The following SHISA6 variants were observed in gnomAD, a reference collection of about 807,000 sequenced individuals.
SHISA6 encodes the protein shisa family member 6, also known as protein shisa-6.
Under a neutral mutation model 47.9 loss-of-function variants are expected in SHISA6, and 22 were observed. That is an observed-to-expected ratio of 0.46 (90% confidence interval 0.33 to 0.66). The LOEUF is 0.66. SHISA6 is among the 30% of genes least tolerant of loss of function. The pLI is 0.02. For missense variants in SHISA6, 680 were observed against 764.6 expected, an observed-to-expected ratio of 0.89 and a Z score of 1.30; for synonymous variants, 388 against 337.8, an observed-to-expected ratio of 1.15 and a Z score of -1.63.
intron 2 of SHISA6, among the ~76,000 whole-genome samples, chr17:11,272,907 G>A (rs941053928): frequency 4.6e-5 from 7 of 152,216 alleles, no homozygotes; most frequent in African/African-American, 1.7e-4. Context: ...CCAAGGTGGT[G>A]GCATGCCAGC....
chr17:11,494,756 T>C (rs1432158363), intron 3 of SHISA6, among the ~76,000 whole-genome samples: 1 of 152,202 alleles, frequency 6.6e-6, no homozygotes, highest in Non-Finnish European at 1.5e-5. Flanking sequence ...ACCCAGGTGA[T>C]GGGTTAACCC....
At chr17:11,352,238 G>A (rs1911913566) in intron 2 of SHISA6, among the ~76,000 whole-genome samples, 1 of 152,026 alleles carries the variant, frequency 6.6e-6, no homozygotes, top group Non-Finnish European at 1.5e-5. Context: ...TCCCATGAAG[G>A]AGAGAGATCT....
At chr17:11,253,259 A>G (rs1447129562) in intron 1 of SHISA6, among the ~76,000 whole-genome samples, 2 of 150,904 alleles carry the variant, frequency 1.3e-5, no homozygotes, top group Admixed American at 6.6e-5. Context: ...ATTAAGCCGC[A>G]TCGATTTAGA....
intron 2 of SHISA6, among the ~76,000 whole-genome samples, chr17:11,322,530 T>G (rs1329022741): frequency 6.6e-6 from 1 of 152,240 alleles, no homozygotes; most frequent in East Asian, 1.9e-4. Flanking sequence ...TAATCTTAAC[T>G]TAGAACAGTA....
chr17:11,245,335 C>T (rs1907533496), intron 1 of SHISA6, among the ~76,000 whole-genome samples: 2 of 152,208 alleles, frequency 1.3e-5, no homozygotes, highest in African/African-American at 4.8e-5. Flanking sequence ...CTTTTCCCTT[C>T]TTCCAAACTG....
At chr17:11,533,445 C>G (rs1477598906) in intron 3 of SHISA6, among the ~76,000 whole-genome samples, 1 of 152,020 alleles carries the variant, frequency 6.6e-6, no homozygotes, top group Admixed American at 6.6e-5. Context: ...TGACTCAGGC[C>G]CCATTCTCTC....
chr17:11,448,989 G>A (rs969325904), intron 3 of SHISA6, among the ~76,000 whole-genome samples: 7 of 152,120 alleles, frequency 4.6e-5, no homozygotes, highest in Non-Finnish European at 8.8e-5. Flanking sequence ...TTTTATGCTT[G>A]TCACTTCCCC....
Position 11,423,239 on chromosome 17 carries a change from G to GTATA in SHISA6, c.895+43743_895+43746dup, listed in dbSNP as rs71142209. On this transcript the variant is annotated intron_variant, in intron 3 of 5. Coordinates refer to ENST00000441885, the MANE Select transcript of SHISA6 (RefSeq NM_207386.4). ...TATGTGTGTGTGTGTGTGTGTGTGT[G>GTATA]TATATATATATATATAATATATATA... Among the ~76,000 whole-genome samples the GTATA allele has an allele frequency of 8.3e-3, 1,123 of 134,594 alleles. 18 individuals carry two copies. Among genetic ancestry groups the GTATA allele is most frequent in the Admixed American group, 0.037 (492 of 13,194 alleles). The allele number at this position is 134,594 out of a possible 152,430, so 88.3% of individuals were successfully genotyped here. A position where few individuals can be genotyped will look rare whatever the true frequency, so the allele number is the denominator to read the frequency against.
intron 2 of SHISA6, among the ~76,000 whole-genome samples, chr17:11,326,949 G>T (rs951465344): frequency 6.6e-6 from 1 of 152,206 alleles, no homozygotes; most frequent in Non-Finnish European, 1.5e-5. Context: ...AATAGCAAAT[G>T]AGGTAGTACA....
chr17:11,360,869 A>G (rs1038133793), intron 2 of SHISA6, among the ~76,000 whole-genome samples: 1 of 151,458 alleles, frequency 6.6e-6, no homozygotes, highest in Non-Finnish European at 1.5e-5. Flanking sequence ...CCAAAAGGGT[A>G]TATGGGGTGG....
At chr17:11,331,345 C>T (rs1230290398) in intron 2 of SHISA6, among the ~76,000 whole-genome samples, 2 of 152,088 alleles carry the variant, frequency 1.3e-5, no homozygotes, top group Admixed American at 6.5e-5. Context: ...TCAGTGGGAA[C>T]GTTTGCTAAA....
rs994035521 is a variant in SHISA6, at chr17:11,563,227, GA to G, written c.*4925del. 3.3e-5 allele frequency: 5 copies of G among 152,184 alleles called. No homozygotes were observed. The highest frequency in any genetic ancestry group is 1.2e-4 in the African/African-American group (5 of 41,436). 9.4% of individuals were successfully genotyped at this position (152,184 alleles called of 1,614,324 possible). A position where few individuals can be genotyped will look rare whatever the true frequency, so the allele number is the denominator to read the frequency against. ...TGTTCACAGGCTGTTGTGTGGCAAT[GA>G]ATGTCATGATAACCCACTCTGGAAT... On this transcript the variant is annotated 3_prime_UTR_variant, in exon 6 of 6. Transcript: ENST00000441885.
chr17:11,485,355 AG>A (rs1038863322), intron 3 of SHISA6, among the ~76,000 whole-genome samples: 2 of 152,154 alleles, frequency 1.3e-5, no homozygotes, highest in African/African-American at 4.8e-5. Flanking sequence ...CAAGAAGCCA[AG>A]AGCAATTTCA....
At chr17:11,532,967 G>C (rs757860124) in intron 3 of SHISA6, among the ~76,000 whole-genome samples, 1 of 152,024 alleles carries the variant, frequency 6.6e-6, no homozygotes, top group Non-Finnish European at 1.5e-5. Flanking sequence ...ACTTCTCAGG[G>C]ATCTGGCAGA....
chr17:11,355,168 G>A (rs2142224199), intron 2 of SHISA6, among the ~76,000 whole-genome samples: 1 of 152,314 alleles, frequency 6.6e-6, no homozygotes, highest in East Asian at 1.9e-4. Context: ...CTAAACTTGA[G>A]TGAGTGGACA....
intron 3 of SHISA6, among the ~76,000 whole-genome samples, chr17:11,387,870 T>C (rs1913246535): frequency 6.6e-6 from 1 of 152,172 alleles, no homozygotes; most frequent in Non-Finnish European, 1.5e-5. Context: ...CTTTATCTCC[T>C]CAGCCCTTTC....
intron 3 of SHISA6, among the ~76,000 whole-genome samples, chr17:11,428,242 G>T (rs890175203): frequency 4.6e-5 from 7 of 152,238 alleles, no homozygotes; most frequent in African/African-American, 1.4e-4. Flanking sequence ...GACAGAATCT[G>T]TGATTTTAAG....
chr17:11,543,924 A>C (rs1189062472), intron 3 of SHISA6, among the ~76,000 whole-genome samples: 3 of 150,188 alleles, frequency 2.0e-5, no homozygotes, highest in Admixed American at 6.6e-5. Context: ...AAAAAAAAAA[A>C]AACAAAAAAA....
chr17:11,371,955 G>C (rs1471707203), intron 2 of SHISA6, among the ~76,000 whole-genome samples: 1 of 151,074 alleles, frequency 6.6e-6, no homozygotes, highest in African/African-American at 2.4e-5. Context: ...AATTATTGTT[G>C]GTATAAATCA....
Sources: allele counts gnomAD v4.1 joint callset (sites outside exome capture counted in the v4.1 genomes callset), GRCh38; gene constraint gnomAD v4.1.1; transcripts MANE v1.5; gene names NCBI Gene and HGNC (gene_info 2026-07-23, HGNC 2026-07-21).